The following GPR108 variants were observed in gnomAD, a reference collection of about 807,000 sequenced individuals.
GPR108 encodes protein GPR108.
GPR108 carries 60 observed loss-of-function variants against 74.3 expected under a neutral mutation model. The observed-to-expected ratio is 0.81, with a 90% confidence interval of 0.66 to 1.00. The LOEUF (loss-of-function observed/expected upper bound fraction) is 1.00, where lower values mean the gene tolerates loss of function less well. Among genes scored for constraint, GPR108 ranks in the 50% least tolerant of loss-of-function variants. The pLI is 0.00. For synonymous variants in GPR108, 311 were observed against 292.4 expected (o/e 1.06, Z -0.65); for missense variants, 667 against 703.3 (o/e 0.95, Z 0.58).
rs1252812467 is a variant in GPR108 at position 6,733,665 on chromosome 19, C to G, written c.628G>C (p.Val210Leu). 1 of 1,613,968 alleles carries G rather than the reference C, an allele frequency of 6.2e-7. No homozygotes were observed. Residue 210 changes from valine (V) to leucine (L), a missense_variant, in exon 8 of 18, where the codon GTG (valine) becomes CTG (leucine). Coordinates refer to ENST00000264080, the MANE Select transcript of GPR108 (RefSeq NM_001080452.2). ...CCTTCTTCCGCCTGAGAGCCGATCA[C>G]CACGTGGAACTGGGCGGGCGGGGAG... ...NNSYNFSFHV[V>L]IGSQAEEGQY...
intron 15 of GPR108, 77 bp from the exon 16 acceptor site, chr19:6,731,359 G>A: frequency 6.7e-7 from 1 of 1,497,104 alleles, no homozygotes; most frequent in Non-Finnish European, 9.0e-7. Flanking sequence ...CAGGACTGCG[G>A]GCTGGGGAGC....
At position 6,735,712 on chromosome 19, in the gene GPR108, G is replaced by T. The variant is rs1417342532; in HGVS notation, c.292-8C>A. 1.2e-6 allele frequency: 2 copies of T among 1,613,496 alleles called. No individual in the cohort carries two copies. Among genetic ancestry groups the T allele is most frequent in the Non-Finnish European group, 1.7e-6 (2 of 1,179,520 alleles). On this transcript the variant is annotated splice_polypyrimidine_tract_variant and splice_region_variant and intron_variant, in intron 3 of 17. Transcript: ENST00000264080. Reference sequence around the variant, plus strand: ...GTCCTGGAAATCCCGGGTCTGGGGGGTGGGCAGGAGGGAGTGAGTCTTGGT... The same window carrying T: ...GTCCTGGAAATCCCGGGTCTGGGGGTTGGGCAGGAGGGAGTGAGTCTTGGT...
chr19:6,733,110 C>T (rs1244403174), intron 9 of GPR108, 48 bp from the exon 10 acceptor site: 1 of 1,613,322 alleles, frequency 6.2e-7, no homozygotes, highest in East Asian at 2.2e-5. Context: ...ATCAGCAGAG[C>T]ATAGGGATGG....
In GPR108 at chr19:6,731,068, C is replaced by T. The variant is rs768992244; in HGVS notation, c.1478G>A (p.Gly493Asp). The T allele has an allele frequency of 1.2e-6, 2 of 1,613,628 alleles. No homozygotes were observed. Among genetic ancestry groups the T allele is most frequent in the Admixed American group, 1.7e-5 (1 of 60,006 alleles). The change falls in exon 17 of 18, where the codon GGC (glycine) becomes GAC (aspartate). Residue 493 changes from glycine (G) to aspartate (D), a missense_variant. Transcript: ENST00000264080. ...GSTLAFFVLT[G>D]YKFQPTGNNP... Reference sequence around the variant, plus strand: ...GTTTCCTGTGGGCTGGAACTTGTAGCCCGTGAGCACGAAGAAGGCCAGGGT... The same window carrying T: ...GTTTCCTGTGGGCTGGAACTTGTAGTCCGTGAGCACGAAGAAGGCCAGGGT...
chr19:6,730,668 G>T, intron 17 of GPR108: 1 of 469,668 alleles, frequency 2.1e-6, no homozygotes, highest in Non-Finnish European at 3.8e-6. Flanking sequence ...TAGCAGCCCA[G>T]GCCCCACCCG....
intron 17 of GPR108, 177 bp from the exon 18 acceptor site, chr19:6,730,561 C>CTA: frequency 1.6e-6 from 1 of 622,358 alleles, no homozygotes; most frequent in East Asian, 2.8e-5. Flanking sequence ...AGCGCAGGCC[C>CTA]TACCCTTCTA....
At chr19:6,733,748 C>T in intron 7 of GPR108, 74 bp from the exon 8 acceptor site, 2 of 1,583,640 alleles carry the variant, frequency 1.3e-6, no homozygotes, top group South Asian at 1.1e-5. Context: ...CTTGGGGGTC[C>T]CATGGTCTGG....
chr19:6,733,783 C>T (rs1968519657), intron 7 of GPR108, 62 bp downstream of exon 7: 1 of 1,596,854 alleles, frequency 6.3e-7, no homozygotes, highest in South Asian at 1.1e-5. Context: ...TGCAGGAGGG[C>T]TCAGCTTGGG....
In GPR108 at chr19:6,731,456, G is replaced by T. The variant is rs1458807625; in HGVS notation, c.1350+17C>A. 6.5e-7 allele frequency: 1 copy of T among 1,531,214 alleles called. No homozygotes were observed. The highest frequency in any genetic ancestry group is 1.3e-5 in the South Asian group (1 of 77,394). The allele number at this position is 1,531,214 out of a possible 1,614,324, so 94.9% of individuals were successfully genotyped here. On this transcript the variant is annotated intron_variant, in intron 15 of 17. Transcript: ENST00000264080. ...GGTAATCCCCCCAAACCCGCTGTGAGTGAGGCGGGCTCCTACCATGACATA... is the reference window on the plus strand; with the variant it reads ...GGTAATCCCCCCAAACCCGCTGTGATTGAGGCGGGCTCCTACCATGACATA...
chr19:6,736,048 C>A, intron 2 of GPR108, 90 bp from the exon 3 acceptor site: 1 of 1,164,458 alleles, frequency 8.6e-7, no homozygotes. Flanking sequence ...CCTAACCTCA[C>A]ATTTACTGAA....
At chr19:6,731,835 G>C in intron 14 of GPR108, 56 bp downstream of exon 14, 2 of 1,591,788 alleles carry the variant, frequency 1.3e-6, no homozygotes, top group South Asian at 2.2e-5. Flanking sequence ...GCAGAAAGAA[G>C]GGCCCGGAGG....
intron 4 of GPR108, 41 bp downstream of exon 4, chr19:6,735,581 G>A (rs982957499): frequency 7.7e-6 from 12 of 1,553,970 alleles, no homozygotes; most frequent in East Asian, 2.2e-5. Context: ...CCAGGGAAAC[G>A]CAGACGAAGG....
chr19:6,736,764 G>A, intron 1 of GPR108, 53 bp from the exon 2 acceptor site: 2 of 1,611,532 alleles, frequency 1.2e-6, no homozygotes, highest in Non-Finnish European at 1.7e-6. Context: ...CGCCTGCCCA[G>A]CCCCAGGGGT....
intron 2 of GPR108, 134 bp downstream of exon 2, chr19:6,736,458 G>A (rs1427541532): frequency 8.8e-6 from 8 of 912,632 alleles, no homozygotes; most frequent in Middle Eastern, 2.6e-4. Flanking sequence ...ATTACTCCCA[G>A]GTACAGATGA....
In GPR108 at chr19:6,737,514, T is replaced by C. The variant is rs969349637; in HGVS notation, c.63A>G (p.Leu21=). ...RGSPAEWGQR[L]LLVLLLGGCS... ...AGCCACCCAGCAGCAGCACCAGAAG[T>C]AGCCGCTGCCCCCACTCCGCGGGGC... The change falls in exon 1 of 18, where the codon CTA becomes CTG. Residue 21 remains leucine, a synonymous_variant. Transcript: ENST00000264080. 1 of 1,578,470 alleles carries C rather than the reference T, an allele frequency of 6.3e-7. No homozygotes were observed. The highest frequency in any genetic ancestry group is 1.4e-5 in the African/African-American group (1 of 72,960).
At chr19:6,737,342 G>T in intron 1 of GPR108, 115 bp downstream of exon 1, 1 of 1,302,344 alleles carries the variant, frequency 7.7e-7, no homozygotes, top group Non-Finnish European at 1.0e-6. Context: ...GGGGGCGCCG[G>T]ACCACTCCAC....
Position 6,730,378 on chromosome 19 carries a change from CG to C in GPR108, c.1565del (p.Thr522ArgfsTer102). 1 of 1,612,962 alleles carries C rather than the reference CG, an allele frequency of 6.2e-7. No individual in the cohort carries two copies. Among genetic ancestry groups the C allele is most frequent in the South Asian group, 1.1e-5 (1 of 91,048 alleles). On this transcript the variant is annotated frameshift_variant, in exon 18 of 18. Coordinates refer to ENST00000264080, the MANE Select transcript of GPR108 (RefSeq NM_001080452.2). LOFTEE classifies it high-confidence loss of function. Reference protein sequence around the residue: ...EEDVQMEQVMTDSGFREGLSK... With the variant: ...EEDVQMEQVMXDSGFREGLSK... Reference sequence around the variant, plus strand: ...AGAGGCCTTCCCGGAACCCAGAGTCCGTCATTCTGGGGGCAGACAGCGAGGA... The same window carrying C: ...AGAGGCCTTCCCGGAACCCAGAGTCCTCATTCTGGGGGCAGACAGCGAGGA...
intron 4 of GPR108, 113 bp downstream of exon 4, chr19:6,735,509 A>G (rs1310367828): frequency 1.2e-5 from 11 of 881,306 alleles, no homozygotes; most frequent in Non-Finnish European, 2.0e-5. Context: ...CTAAAAAGTA[A>G]GTGGCTTTCT....
At chr19:6,734,467 G>A (rs535083334) in intron 4 of GPR108, among the ~76,000 whole-genome samples, 160 bp from the exon 5 acceptor site, 1 of 152,174 alleles carries the variant, frequency 6.6e-6, no homozygotes, top group Non-Finnish European at 1.5e-5. Flanking sequence ...GGTTCCCACC[G>A]GTCAAGGAGG....
Sources: allele counts gnomAD v4.1 joint callset (sites outside exome capture counted in the v4.1 genomes callset), GRCh38; gene constraint gnomAD v4.1.1; transcripts MANE v1.5; gene names NCBI Gene and HGNC (gene_info 2026-07-23, HGNC 2026-07-21).